The following SORL1-AS1 variants were observed in gnomAD, a reference collection of about 807,000 sequenced individuals.
SORL1-AS1 encodes the protein lncRNA 51 A.
chr11:121,443,407 C>A (rs1444098913), downstream of SORL1-AS1, among the ~76,000 whole-genome samples: 4 of 152,198 alleles, frequency 2.6e-5, no homozygotes, highest in African/African-American at 7.2e-5. Flanking sequence ...CCATGTCAAA[C>A]AGACAAGAAC....
At position 121,452,031 on chromosome 11, in the gene SORL1-AS1, C is replaced by T. The variant is rs1457054008; in HGVS notation, n.339+644G>A. On this transcript the variant is annotated intron_variant and non_coding_transcript_variant, in intron 1 of 1. Coordinates refer to ENST00000501964, the Ensembl canonical transcript of SORL1-AS1. The surrounding 1 kb of genome is among the most constrained non-coding windows in gnomAD (Gnocchi z 5.3). ...CAGGGAAGGGACGCACCCCCACCGG[C>T]GCTCGCTGCCTTAACTTCCCCATCC... is the stretch of plus-strand genomic sequence containing the variant. Among the ~76,000 whole-genome samples the T allele has an allele frequency of 6.6e-6, 1 of 152,186 alleles. No individual in the cohort carries two copies. Among genetic ancestry groups the T allele is most frequent in the East Asian group, 1.9e-4 (1 of 5,192 alleles).
the SORL1-AS1 span, among the ~76,000 whole-genome samples, chr11:121,440,434 G>A: frequency 6.6e-6 from 1 of 152,168 alleles, no homozygotes; most frequent in Non-Finnish European, 1.5e-5. Flanking sequence ...GGCATGCTGA[G>A]ACTTTGAACT....
At chr11:121,451,916 CCCTGTATAGGACG>C (rs1860798826) in intron 1 of SORL1-AS1, among the ~76,000 whole-genome samples, 1 of 152,086 alleles carries the variant, frequency 6.6e-6, no homozygotes, top group South Asian at 2.1e-4. Flanking sequence ...CTCGACACGA[CCCTGTATAGGACG>C]CAACTAACTC....
chr11:121,443,888 T>C (rs1456674492), downstream of SORL1-AS1, among the ~76,000 whole-genome samples: 3 of 152,212 alleles, frequency 2.0e-5, no homozygotes, highest in East Asian at 5.8e-4. Context: ...GTTGAATTCA[T>C]CTGGTCTTTT....
At chr11:121,451,142 G>A (rs960889854) in intron 1 of SORL1-AS1, among the ~76,000 whole-genome samples, 3 of 152,152 alleles carry the variant, frequency 2.0e-5, no homozygotes, top group Admixed American at 1.3e-4. Context: ...TGCTTGCTGT[G>A]TCTTTATTCT....
chr11:121,449,898 A>C (rs1044823724), exon 2 of SORL1-AS1: 1 of 152,352 alleles, frequency 6.6e-6, no homozygotes, highest in Admixed American at 6.5e-5. Flanking sequence ...CTGATTATCT[A>C]CCTGAGAATG....
chr11:121,439,019 C>T, the SORL1-AS1 span, among the ~76,000 whole-genome samples: 14,389 of 152,226 alleles, frequency 0.095, 771 homozygotes, highest in Non-Finnish European at 0.12. Context: ...GAGCGAGACT[C>T]TGTTTCAACA....
chr11:121,452,544 C>T lies in SORL1-AS1; in HGVS notation n.339+131G>A. The T allele has an allele frequency of 2.0e-6, 3 of 1,496,904 alleles. No homozygotes were observed. The highest frequency in any genetic ancestry group is 2.7e-6 in the Non-Finnish European group (3 of 1,128,856). 92.7% of individuals were successfully genotyped at this position (1,496,904 alleles called of 1,614,324 possible). On this transcript the variant is annotated intron_variant and non_coding_transcript_variant, in intron 1 of 1. Coordinates refer to ENST00000501964, the Ensembl canonical transcript of SORL1-AS1. This position sits in a 1 kb window ranked among gnomAD's most constrained non-coding sequence, Gnocchi z 5.3. The stretch of plus-strand genomic sequence containing the variant: ...GCGGGGATGCCAGGGGGGCGAGCCG[C>T]GCGGACGAGAAGCCGCTCCGGAGGA...
chr11:121,447,716 G>A (rs910595943), exon 2 of SORL1-AS1: 3 of 152,120 alleles, frequency 2.0e-5, no homozygotes, highest in African/African-American at 7.2e-5. Flanking sequence ...AAACAGGACT[G>A]GACTTGTGAG....
At chr11:121,447,156 C>G (rs1190334760), downstream of SORL1-AS1, among the ~76,000 whole-genome samples, 3 of 152,206 alleles carry the variant, frequency 2.0e-5, no homozygotes, top group South Asian at 6.2e-4. Flanking sequence ...GAGGTTTGTC[C>G]TTGGGTCTAC....
At chr11:121,441,936 A>T in the SORL1-AS1 span, among the ~76,000 whole-genome samples, 6 of 152,058 alleles carry the variant, frequency 3.9e-5, no homozygotes, top group Non-Finnish European at 8.8e-5. Flanking sequence ...CACTACCCCT[A>T]CTCTTACCCT....
At chr11:121,440,394 CA>C in the SORL1-AS1 span, among the ~76,000 whole-genome samples, 1 of 152,050 alleles carries the variant, frequency 6.6e-6, no homozygotes, top group Non-Finnish European at 1.5e-5. Context: ...AATAAACAAA[CA>C]AATAAAGAAC....
chr11:121,441,530 C>CAAAAAAAAAAAAAAAAA, the SORL1-AS1 span, among the ~76,000 whole-genome samples: 44 of 52,322 alleles, frequency 8.4e-4, no homozygotes, highest in Non-Finnish European at 9.4e-4. Flanking sequence ...GACTCTGTCT[C>CAAAAAAAAAAAAAAAAA]AAAAAAAAAA....
chr11:121,449,706 A>G (rs184271788), exon 2 of SORL1-AS1: 18 of 152,214 alleles, frequency 1.2e-4, no homozygotes, highest in Non-Finnish European at 2.4e-4. Context: ...CTCATCTGAT[A>G]CTCTCAGCAG....
At chr11:121,439,273 G>A in the SORL1-AS1 span, among the ~76,000 whole-genome samples, 5 of 151,938 alleles carry the variant, frequency 3.3e-5, no homozygotes, top group African/African-American at 1.2e-4. Context: ...CCATTCTGGC[G>A]GGTGTGTAGT....
rs1219384431 is a variant in SORL1-AS1 at position 121,452,079 on chromosome 11, T to A, written n.339+596A>T. Reference sequence around the variant, plus strand: ...TCCCCGCGCCAGGGAGGGGCCGGAGTCGCCGCCGAGGCCGCCGAGCGCAGA... The same window carrying A: ...TCCCCGCGCCAGGGAGGGGCCGGAGACGCCGCCGAGGCCGCCGAGCGCAGA... On this transcript the variant is annotated intron_variant and non_coding_transcript_variant, in intron 1 of 1. Transcript: ENST00000501964. The surrounding 1 kb of genome is among the most constrained non-coding windows in gnomAD (Gnocchi z 5.3). 2 of 152,300 alleles carry A rather than the reference T, an allele frequency of 1.3e-5. No homozygotes were observed. Among genetic ancestry groups the A allele is most frequent in the Non-Finnish European group, 2.9e-5 (2 of 68,454 alleles). The allele number at this position is 152,300 out of a possible 1,614,324, so 9.4% of individuals were successfully genotyped here.
chr11:121,451,613 C>G (rs554593248), intron 1 of SORL1-AS1, among the ~76,000 whole-genome samples: 1 of 152,338 alleles, frequency 6.6e-6, no homozygotes, highest in South Asian at 2.1e-4. Flanking sequence ...TTTTTACTGC[C>G]TCTGTGCAGG....
chr11:121,451,810 C>A (rs377639014), intron 1 of SORL1-AS1, among the ~76,000 whole-genome samples: 4 of 152,246 alleles, frequency 2.6e-5, no homozygotes, highest in Admixed American at 2.6e-4. Context: ...TGGACTCTTC[C>A]CTGGAGGTGG....
chr11:121,438,861 A>T, the SORL1-AS1 span, among the ~76,000 whole-genome samples: 1 of 152,222 alleles, frequency 6.6e-6, no homozygotes, highest in Non-Finnish European at 1.5e-5. Flanking sequence ...CCCCATCTCT[A>T]CTAAAAATAC....
Sources: allele counts gnomAD v4.1 joint callset (sites outside exome capture counted in the v4.1 genomes callset), GRCh38; gene constraint gnomAD v4.1.1; non-coding constraint Gnocchi (gnomAD v3.1); transcripts MANE v1.5; gene names NCBI Gene and HGNC (gene_info 2026-07-23, HGNC 2026-07-21).